The following RBPJ variants were observed in gnomAD, a reference collection of about 807,000 sequenced individuals.
RBPJ encodes recombination signal binding protein for immunoglobulin kappa J region.
Under a neutral mutation model 67.8 loss-of-function variants are expected in RBPJ, and 9 were observed. The ratio of observed to expected loss-of-function variants is 0.13; its 90% CI spans 0.08 to 0.23. RBPJ has a LOEUF of 0.23. Ranked by LOEUF, RBPJ falls within the 10% of genes least tolerant of loss-of-function variation. The probability of loss-of-function intolerance (pLI) is 1.00; values close to 1 mark genes in which losing one functional copy is unlikely to be tolerated. For missense variants in RBPJ, 305 were observed against 595.6 expected, an observed-to-expected ratio of 0.51 and a Z score of 5.08; for synonymous variants, 198 against 203.3, an observed-to-expected ratio of 0.97 and a Z score of 0.22.
chr4:26,374,146 G>A (rs1254320040), intron 1 of RBPJ, among the ~76,000 whole-genome samples: 4 of 151,998 alleles, frequency 2.6e-5, no homozygotes, highest in African/African-American at 9.7e-5. Flanking sequence ...CATCATGTTG[G>A]CCAGGCTGGT....
intron 1 of RBPJ, among the ~76,000 whole-genome samples, chr4:26,235,848 T>C (rs867527794): frequency 2.2e-4 from 34 of 152,372 alleles, no homozygotes; most frequent in Non-Finnish European, 4.0e-4. Context: ...TGACAGATTG[T>C]TGGCTAAGCT....
At chr4:26,396,897 A>G (rs993540636) in intron 2 of RBPJ, among the ~76,000 whole-genome samples, 1 of 152,224 alleles carries the variant, frequency 6.6e-6, no homozygotes, top group Non-Finnish European at 1.5e-5. Flanking sequence ...GTAGACACTT[A>G]GTACAGCAGC....
intron 2 of RBPJ, among the ~76,000 whole-genome samples, chr4:26,404,920 T>C (rs185330100): frequency 6.6e-6 from 1 of 152,342 alleles, no homozygotes; most frequent in Non-Finnish European, 1.5e-5. Flanking sequence ...TGTCTTTACA[T>C]AGGCGTTCCC....
chr4:26,388,600 A>G (rs1219732344), intron 2 of RBPJ, among the ~76,000 whole-genome samples: 1 of 111,844 alleles, frequency 8.9e-6, no homozygotes, highest in Non-Finnish European at 2.1e-5. Context: ...AAGATTACAC[A>G]CACACTCTCT....
chr4:26,299,672 CTTTTTTTTTTTT>C (rs397879662), intron 1 of RBPJ, among the ~76,000 whole-genome samples: 1 of 85,292 alleles, frequency 1.2e-5, no homozygotes, highest in Non-Finnish European at 2.2e-5. Flanking sequence ...AGACTGTGTG[CTTTTTTTTTTTT>C]TTTTTTTTTT....
At chr4:26,156,414 C>CTTTTTTTT in the RBPJ span, among the ~76,000 whole-genome samples, 25 of 93,554 alleles carry the variant, frequency 2.7e-4, no homozygotes, top group African/African-American at 4.0e-4. Flanking sequence ...TCTTTTCTTT[C>CTTTTTTTT]TTTTTTTTTT....
intron 3 of RBPJ, among the ~76,000 whole-genome samples, chr4:26,408,390 G>T (rs1403780677): frequency 6.6e-6 from 1 of 150,564 alleles, no homozygotes; most frequent in Non-Finnish European, 1.5e-5. Flanking sequence ...CAAATTAGTG[G>T]TCCTTTTTTT....
At chr4:26,254,917 C>T (rs558147265) in intron 1 of RBPJ, among the ~76,000 whole-genome samples, 1 of 116,738 alleles carries the variant, frequency 8.6e-6, no homozygotes, top group African/African-American at 3.8e-5. Flanking sequence ...CGAGACCAAG[C>T]TGGTCTTGAA....
chr4:26,420,965 T>G (rs1251444405), intron 5 of RBPJ: 2 of 427,630 alleles, frequency 4.7e-6, no homozygotes, highest in East Asian at 8.6e-5. Flanking sequence ...ATGGGAGATT[T>G]TCTCCTTCTG....
At chr4:26,412,114 CA>C (rs146632582) in intron 3 of RBPJ, among the ~76,000 whole-genome samples, 63,284 of 112,274 alleles carry the variant, frequency 0.56, 15,133 homozygotes, top group Admixed American at 0.66. Flanking sequence ...GACTCCGTCT[CA>C]AAAAAAAAAA....
chr4:26,222,225 G>A (rs1433895276), intron 1 of RBPJ, among the ~76,000 whole-genome samples: 1 of 152,226 alleles, frequency 6.6e-6, no homozygotes, highest in Admixed American at 6.5e-5. Context: ...CGGGCACGGT[G>A]GCTCATGCCT....
At chr4:26,319,671 C>T, upstream of RBPJ, 1 of 649,632 alleles carries the variant, frequency 1.5e-6, no homozygotes, top group Non-Finnish European at 2.8e-6. Context: ...TAGTGGAAGG[C>T]GGTGGGAAGG....
rs1045108716 is a variant in RBPJ at position 26,371,029 on chromosome 4, G to A, written c.21-15324G>A. Among the ~76,000 whole-genome samples the A allele has an allele frequency of 4.0e-5, 6 of 150,626 alleles. No homozygotes were observed. The South Asian group carries it at 1.3e-3, about 31-fold the overall frequency. ...TGGGAGACAGAGCTGGCAGTGAGCC[G>A]AGATTGCGCCACTGCACTCCAGCCT... On this transcript the variant is annotated intron_variant, in intron 1 of 10. Transcript: ENST00000355476.
intron 1 of RBPJ, among the ~76,000 whole-genome samples, chr4:26,310,774 A>T (rs1224784199): frequency 6.7e-6 from 1 of 150,238 alleles, no homozygotes; most frequent in Non-Finnish European, 1.5e-5. Flanking sequence ...GGCTCAAGTG[A>T]GTCTCCTGCC....
intron 1 of RBPJ, among the ~76,000 whole-genome samples, chr4:26,249,931 A>C (rs1262527078): frequency 6.6e-6 from 1 of 150,396 alleles, no homozygotes; most frequent in Admixed American, 6.6e-5. Context: ...GATTACAGGC[A>C]TCTGCCACCA....
At chr4:26,128,563 A>C in the RBPJ span, among the ~76,000 whole-genome samples, 1 of 152,304 alleles carries the variant, frequency 6.6e-6, no homozygotes, top group Non-Finnish European at 1.5e-5. Context: ...CCCAAATCCC[A>C]CACTTTGTAA....
intron 1 of RBPJ, among the ~76,000 whole-genome samples, chr4:26,378,617 C>G: frequency 6.6e-6 from 1 of 152,192 alleles, no homozygotes; most frequent in South Asian, 2.1e-4. Flanking sequence ...TCATTTAGAT[C>G]TTTTCATTCT....
chr4:26,176,614 A>G (rs1427451646), intron 1 of RBPJ, among the ~76,000 whole-genome samples: 1 of 152,204 alleles, frequency 6.6e-6, no homozygotes, highest in African/African-American at 2.4e-5. Context: ...AGCCCAGCTG[A>G]CGTCCCCCTT....
chr4:26,212,800 T>G (rs1421350690), intron 1 of RBPJ, among the ~76,000 whole-genome samples: 2 of 152,130 alleles, frequency 1.3e-5, no homozygotes, highest in Non-Finnish European at 2.9e-5. Flanking sequence ...AGATCATACC[T>G]TTTTTGTCCA....
Sources: gnomAD v4.1 joint callset for allele counts (sites outside exome capture counted in the v4.1 genomes callset) on GRCh38, gnomAD v4.1.1 for gene constraint, MANE v1.5 for transcripts, NCBI Gene and HGNC (gene_info 2026-07-23, HGNC 2026-07-21) for gene names.